PRR5L: variants seen among roughly 807,000 people sequenced by gnomAD.
PRR5L encodes proline rich 5 like.
Under a neutral mutation model 36.4 loss-of-function variants are expected in PRR5L, and 21 were observed. The observed-to-expected ratio is 0.58, with a 90% confidence interval of 0.41 to 0.83. PRR5L has a LOEUF of 0.83. Ranked by LOEUF, PRR5L falls within the 40% of genes least tolerant of loss-of-function variation. The pLI is 0.00. For missense variants in PRR5L, 381 were observed against 473.3 expected (o/e 0.80, Z 1.81); for synonymous variants, 188 against 197.0 (o/e 0.95, Z 0.38).
At chr11:36,431,763 T>C (rs1189661553) in intron 4 of PRR5L, 90 bp from the exon 5 acceptor site, 2 of 1,214,210 alleles carry the variant, frequency 1.6e-6, no homozygotes, top group African/African-American at 1.5e-5. Context: ...CCTAGAACTC[T>C]GTGCCCTTGC....
chr11:36,437,522 C>A, intron 6 of PRR5L, 46 bp downstream of exon 6: 1 of 1,242,938 alleles, frequency 8.0e-7, no homozygotes, highest in Non-Finnish European at 1.2e-6. Flanking sequence ...AGCGATCTGT[C>A]TTCTCTCCTG....
At chr11:36,347,841 A>G (rs1285844437) in intron 1 of PRR5L, among the ~76,000 whole-genome samples, 1 of 151,796 alleles carries the variant, frequency 6.6e-6, no homozygotes, top group East Asian at 1.9e-4. Context: ...GGGGAGGGGG[A>G]AAAAAGTTCC....
chr11:36,395,479 C>T (rs552848394), intron 1 of PRR5L, among the ~76,000 whole-genome samples: 12 of 152,244 alleles, frequency 7.9e-5, no homozygotes, highest in African/African-American at 2.6e-4. Flanking sequence ...CTAGTGGCTA[C>T]CATATTGGAC....
chr11:36,438,897 T>C (rs1236567014), intron 6 of PRR5L, among the ~76,000 whole-genome samples: 2 of 152,152 alleles, frequency 1.3e-5, no homozygotes, highest in Non-Finnish European at 2.9e-5. Flanking sequence ...ATTGCACCAC[T>C]GCACTACAAC....
intron 1 of PRR5L, among the ~76,000 whole-genome samples, chr11:36,367,111 T>G (rs1041334552): frequency 6.6e-6 from 1 of 152,202 alleles, no homozygotes; most frequent in African/African-American, 2.4e-5. Flanking sequence ...TTTTTTATTT[T>G]TAAGATTACG....
intron 1 of PRR5L, among the ~76,000 whole-genome samples, chr11:36,298,134 C>G (rs1302351069): frequency 6.6e-6 from 1 of 152,174 alleles, no homozygotes; most frequent in Admixed American, 6.5e-5. Flanking sequence ...TCCCTGGCAT[C>G]TAAGCAGTGC....
intron 1 of PRR5L, among the ~76,000 whole-genome samples, chr11:36,340,771 G>A (rs181482467): frequency 6.6e-6 from 1 of 152,226 alleles, no homozygotes; most frequent in African/African-American, 2.4e-5. Flanking sequence ...AAAAACCCCA[G>A]AGCTGATTTC....
Position 36,401,224 on chromosome 11 carries a change from C to A in PRR5L, c.103C>A (p.Leu35Ile). The change falls in exon 2 of 9, where the codon CTT (leucine) becomes ATT (isoleucine). Residue 35 changes from leucine to isoleucine, a missense_variant. By Grantham distance (5) the Leu-to-Ile change is conservative. Coordinates refer to ENST00000530639, the MANE Select transcript of PRR5L (RefSeq NM_001160167.2). The stretch of plus-strand genomic sequence containing the variant: ...CATGAGCTCCCCCGTGCTCAGCGAC[C>A]TTCCCCGATTCCAAGCAGCTCGGCA... ...RFMSSPVLSD[L>I]PRFQAARQAL... 3 of 1,613,928 alleles carry A rather than the reference C, an allele frequency of 1.9e-6. No individual in the cohort carries two copies. Among genetic ancestry groups the A allele is most frequent in the Non-Finnish European group, 2.5e-6 (3 of 1,179,992 alleles).
intron 1 of PRR5L, among the ~76,000 whole-genome samples, chr11:36,316,223 G>A (rs1013676385): frequency 2.6e-5 from 4 of 152,162 alleles, no homozygotes; most frequent in African/African-American, 7.2e-5. Context: ...GGATACAAAC[G>A]GGTCTGGCTG....
chr11:36,415,784 A>G (rs1858129636), intron 3 of PRR5L, among the ~76,000 whole-genome samples: 5 of 147,452 alleles, frequency 3.4e-5, no homozygotes, highest in Admixed American at 2.0e-4. Context: ...AATAAAATGC[A>G]TATGTGTTCT....
At chr11:36,351,218 A>C (rs1247588920) in intron 1 of PRR5L, among the ~76,000 whole-genome samples, 1 of 91,170 alleles carries the variant, frequency 1.1e-5, no homozygotes, top group African/African-American at 4.7e-5. Context: ...AAATATATAA[A>C]TATATATATT....
At chr11:36,302,984 G>T (rs750071309) in intron 1 of PRR5L, among the ~76,000 whole-genome samples, 16 of 152,148 alleles carry the variant, frequency 1.1e-4, no homozygotes, top group Non-Finnish European at 8.8e-5. Flanking sequence ...GAAGTCACCT[G>T]CTCAAGGTCA....
chr11:36,445,506 A>C (rs1858810361), intron 6 of PRR5L, among the ~76,000 whole-genome samples: 1 of 152,074 alleles, frequency 6.6e-6, no homozygotes. Flanking sequence ...TGTAAAGGAG[A>C]CTGAAAAGTG....
intron 1 of PRR5L, among the ~76,000 whole-genome samples, chr11:36,320,821 A>G (rs1292474004): frequency 1.3e-5 from 2 of 152,216 alleles, no homozygotes; most frequent in East Asian, 3.8e-4. Context: ...AAATGAGGAT[A>G]TTTATAGAAC....
chr11:36,419,046 C>G (rs1411410826), intron 3 of PRR5L, among the ~76,000 whole-genome samples: 1 of 152,158 alleles, frequency 6.6e-6, no homozygotes, highest in South Asian at 2.1e-4. Context: ...GTGCTACTTT[C>G]TCAGAGTGAA....
At chr11:36,376,849 G>A (rs558562918) in intron 1 of PRR5L, 2 of 515,160 alleles carry the variant, frequency 3.9e-6, no homozygotes, top group South Asian at 8.2e-5. Flanking sequence ...GTCACGTTTG[G>A]GGGGGCAACC....
intron 1 of PRR5L, among the ~76,000 whole-genome samples, chr11:36,391,938 C>T (rs905120842): frequency 2.0e-5 from 3 of 151,996 alleles, no homozygotes; most frequent in Non-Finnish European, 4.4e-5. Context: ...ATTTTTTTAC[C>T]CATTTAACAT....
chr11:36,355,551 T>A (rs75867018), intron 1 of PRR5L, among the ~76,000 whole-genome samples: 1 of 147,626 alleles, frequency 6.8e-6, no homozygotes, highest in African/African-American at 2.5e-5. Context: ...TGCTTTGCTT[T>A]TTTTTTTTTT....
chr11:36,327,806 C>A (rs1856679821), intron 1 of PRR5L, among the ~76,000 whole-genome samples: 1 of 152,216 alleles, frequency 6.6e-6, no homozygotes, highest in Admixed American at 6.5e-5. Context: ...ATCAGAAAAT[C>A]TCTGAATCTA....
Sources: allele counts gnomAD v4.1 joint callset (sites outside exome capture counted in the v4.1 genomes callset), GRCh38; gene constraint gnomAD v4.1.1; transcripts MANE v1.5; gene names NCBI Gene and HGNC (gene_info 2026-07-23, HGNC 2026-07-21).